The following SMAD6 variants were observed in gnomAD, a reference collection of about 807,000 sequenced individuals.
SMAD6 encodes MAD homolog 6.
Under a neutral mutation model 39.4 loss-of-function variants are expected in SMAD6, and 103 were observed. The ratio of observed to expected loss-of-function variants is 2.62; its 90% CI spans 2.23 to 3.08. The LOEUF is 3.08. Ranked by LOEUF, SMAD6 falls within the 30% of genes most tolerant of loss-of-function variation. SMAD6 has a pLI of 0.00. For synonymous variants in SMAD6, 445 were observed against 353.3 expected, an observed-to-expected ratio of 1.26 and a Z score of -2.91; for missense variants, 1,104 against 742.9, an observed-to-expected ratio of 1.49 and a Z score of -5.65.
intron 3 of SMAD6, among the ~76,000 whole-genome samples, chr15:66,724,971 G>T (rs1053553978): frequency 6.6e-6 from 1 of 152,168 alleles, no homozygotes; most frequent in African/African-American, 2.4e-5. Flanking sequence ...GTACTTGGTT[G>T]CGTCCAGCCT....
At chr15:66,712,641 C>T (rs549079674) in intron 2 of SMAD6, among the ~76,000 whole-genome samples, 6 of 147,954 alleles carry the variant, frequency 4.1e-5, no homozygotes, top group Non-Finnish European at 7.4e-5. Flanking sequence ...GCTGAGGTCA[C>T]GCCACTGCAC....
rs913638429 is a variant in SMAD6, at chr15:66,702,813, TA to T, written c.-438del. On this transcript the variant is annotated 5_prime_UTR_variant, in exon 1 of 4. Transcript: ENST00000288840. ...GCCCATGTAGTTAAGCGCTTTGGTT[TA>T]AAAAAAAGGCAAGGTAAAGGCAGGG... is the stretch of plus-strand genomic sequence containing the variant. 7 of 157,836 alleles carry T rather than the reference TA, an allele frequency of 4.4e-5. No homozygotes were observed. The highest frequency in any genetic ancestry group is 9.7e-5 in the Non-Finnish European group (7 of 72,312). 9.8% of individuals were successfully genotyped at this position (157,836 alleles called of 1,614,324 possible).
intron 3 of SMAD6, among the ~76,000 whole-genome samples, chr15:66,768,039 G>A (rs1437519622): frequency 2.9e-5 from 4 of 137,298 alleles, no homozygotes; most frequent in South Asian, 2.4e-4. Flanking sequence ...GTGCCACCAC[G>A]GTTCACTGCA....
At position 66,702,792 on chromosome 15, in the gene SMAD6, A is replaced by G. The variant is rs1595755641; in HGVS notation, c.-467A>G. 6.5e-6 allele frequency: 1 copy of G among 153,784 alleles called. No homozygotes were observed. The highest frequency in any genetic ancestry group is 2.1e-4 in the South Asian group (1 of 4,842). 9.5% of individuals were successfully genotyped at this position (153,784 alleles called of 1,614,324 possible). On this transcript the variant is annotated 5_prime_UTR_variant, in exon 1 of 4. It removes an upstream start codon present in the reference 5' UTR. Coordinates refer to ENST00000288840, the MANE Select transcript of SMAD6 (RefSeq NM_005585.5). ...CTTTCGGATCCTGCGGGAAAAGCCC[A>G]TGTAGTTAAGCGCTTTGGTTTAAAA...
At chr15:66,757,014 T>A (rs1046466685) in intron 3 of SMAD6, among the ~76,000 whole-genome samples, 1 of 152,194 alleles carries the variant, frequency 6.6e-6, no homozygotes, top group Non-Finnish European at 1.5e-5. Context: ...TGGGAGTCCT[T>A]AGACTTTGGG....
At chr15:66,707,156 C>CT (rs1893131070) in intron 1 of SMAD6, 1 of 152,212 alleles carries the variant, frequency 6.6e-6, no homozygotes, top group South Asian at 2.1e-4. Flanking sequence ...CGGTGGGTGC[C>CT]TATGTGGACG....
At chr15:66,772,239 A>G (rs1412464162) in intron 3 of SMAD6, among the ~76,000 whole-genome samples, 1 of 152,202 alleles carries the variant, frequency 6.6e-6, no homozygotes, top group Non-Finnish European at 1.5e-5. Context: ...TCAAATCCCA[A>G]TTCTGCAGCT....
At chr15:66,750,738 A>G (rs1050247494) in intron 3 of SMAD6, among the ~76,000 whole-genome samples, 1 of 152,184 alleles carries the variant, frequency 6.6e-6, no homozygotes, top group African/African-American at 2.4e-5. Context: ...TCGGAGCCGA[A>G]TCCCGCTGGG....
chr15:66,745,924 C>T (rs954319676), intron 3 of SMAD6, among the ~76,000 whole-genome samples: 1 of 152,228 alleles, frequency 6.6e-6, no homozygotes, highest in African/African-American at 2.4e-5. Context: ...GTGGTACCCC[C>T]TCCCTCCCTT....
At chr15:66,766,225 G>A (rs1039613621) in intron 3 of SMAD6, among the ~76,000 whole-genome samples, 2 of 152,190 alleles carry the variant, frequency 1.3e-5, no homozygotes, top group East Asian at 1.9e-4. Context: ...GGGGGCAGGC[G>A]CCAGCCTCGT....
intron 3 of SMAD6, among the ~76,000 whole-genome samples, chr15:66,746,417 C>G (rs1893909609): frequency 6.6e-6 from 1 of 152,040 alleles, no homozygotes. Flanking sequence ...CGAGCCAGCT[C>G]TTTGTTCCAC....
intron 3 of SMAD6, among the ~76,000 whole-genome samples, chr15:66,766,723 C>G (rs565567768): frequency 6.6e-6 from 1 of 152,186 alleles, no homozygotes; most frequent in African/African-American, 2.4e-5. Context: ...TCTCACCTAT[C>G]ACACAGGTCC....
chr15:66,719,378 G>A (rs1893390838), intron 3 of SMAD6, among the ~76,000 whole-genome samples: 1 of 152,232 alleles, frequency 6.6e-6, no homozygotes, highest in African/African-American at 2.4e-5. Flanking sequence ...CGAGGGTGCA[G>A]GGCGGCTCCG....
chr15:66,773,486 AAGG>A (rs1229086986), intron 3 of SMAD6, among the ~76,000 whole-genome samples: 1 of 152,206 alleles, frequency 6.6e-6, no homozygotes, highest in African/African-American at 2.4e-5. Flanking sequence ...TAAAATGACA[AAGG>A]AGAGTTAAGT....
intron 3 of SMAD6, among the ~76,000 whole-genome samples, chr15:66,770,197 C>G (rs1052675220): frequency 2.0e-5 from 3 of 152,106 alleles, no homozygotes; most frequent in Non-Finnish European, 4.4e-5. Flanking sequence ...GATGCACACC[C>G]AGGCTGTCCC....
chr15:66,734,305 G>T (rs1034099884), intron 3 of SMAD6, among the ~76,000 whole-genome samples: 1 of 152,332 alleles, frequency 6.6e-6, no homozygotes, highest in South Asian at 2.1e-4. Context: ...TTTGGAACTG[G>T]GTTCTGGGCA....
At position 66,767,959 on chromosome 15, in the gene SMAD6, CTTTT is replaced by C. The variant is rs71142337; in HGVS notation, c.953-13014_953-13011del. ...TTGGAGTGATTATCCCAAGCTGCAT[CTTTT>C]TTTTTTTTTTTTTTTTTTTTTTTGG... On this transcript the variant is annotated intron_variant, in intron 3 of 3. Coordinates refer to ENST00000288840, the MANE Select transcript of SMAD6 (RefSeq NM_005585.5). Among the ~76,000 whole-genome samples the C allele has an allele frequency of 1.7e-4, 10 of 60,278 alleles. No individual in the cohort carries two copies. The East Asian group carries it at 4.0e-3, about 24-fold the overall frequency. 39.5% of individuals were successfully genotyped at this position (60,278 alleles called of 152,430 possible).
At chr15:66,771,687 G>A (rs895988195) in intron 3 of SMAD6, among the ~76,000 whole-genome samples, 10 of 152,156 alleles carry the variant, frequency 6.6e-5, no homozygotes, top group African/African-American at 2.4e-4. Context: ...CTGACTTTGG[G>A]TCTGTCCTGA....
At chr15:66,744,570 C>G (rs967866481) in intron 3 of SMAD6, among the ~76,000 whole-genome samples, 6 of 152,224 alleles carry the variant, frequency 3.9e-5, no homozygotes, top group African/African-American at 1.4e-4. Context: ...CAACAAAAAG[C>G]AGTGTGTTAC....
Sources: gnomAD v4.1 joint callset for allele counts (sites outside exome capture counted in the v4.1 genomes callset) on GRCh38, gnomAD v4.1.1 for gene constraint, MANE v1.5 for transcripts, NCBI Gene and HGNC (gene_info 2026-07-23, HGNC 2026-07-21) for gene names.